The following ZNF721 variants were observed in gnomAD, a reference collection of about 807,000 sequenced individuals.
The protein encoded by ZNF721 is zinc finger protein 721.
In ZNF721, 2 loss-of-function variants were observed where a neutral mutation model predicts 2.4. The observed-to-expected ratio is 0.82, with a 90% confidence interval of 0.34 to 2.58. The LOEUF is 2.58. Among genes scored for constraint, ZNF721 ranks in the 30% most tolerant of loss-of-function variants. ZNF721 has a pLI of 0.11. For missense variants in ZNF721, 1,187 were observed against 1,085.5 expected (o/e 1.09, Z -1.31); for synonymous variants, 398 against 381.8 (o/e 1.04, Z -0.50).
chr4:450,980 T>A (rs1553864795), intron 2 of ZNF721, among the ~76,000 whole-genome samples: 18 of 115,932 alleles, frequency 1.6e-4, no homozygotes, highest in Admixed American at 8.9e-4. Flanking sequence ...TATATATATA[T>A]ATATATATAT....
chr4:464,468 C>CAAAA (rs57645783), intron 2 of ZNF721, among the ~76,000 whole-genome samples: 4 of 78,014 alleles, frequency 5.1e-5, no homozygotes, highest in Non-Finnish European at 5.2e-5. Flanking sequence ...GACTCCACCT[C>CAAAA]AAAAAAAAAA....
At chr4:474,606 G>A (rs1433295317) in intron 1 of ZNF721, among the ~76,000 whole-genome samples, 1 of 152,206 alleles carries the variant, frequency 6.6e-6, no homozygotes, top group East Asian at 1.9e-4. Flanking sequence ...GCTGAGCACG[G>A]TTGCTCACGC....
At chr4:477,959 G>A (rs1283829278) in intron 1 of ZNF721, among the ~76,000 whole-genome samples, 1 of 152,174 alleles carries the variant, frequency 6.6e-6, no homozygotes, top group Non-Finnish European at 1.5e-5. Flanking sequence ...CAGAAACTAA[G>A]TGGGGACAAA....
intron 2 of ZNF721, among the ~76,000 whole-genome samples, 156 bp from the exon 3 acceptor site, chr4:444,588 G>A (rs1443207502): frequency 1.3e-5 from 2 of 152,200 alleles, no homozygotes; most frequent in Non-Finnish European, 2.9e-5. Flanking sequence ...AACATATGGT[G>A]ATCAAAATGC....
chr4:489,254 C>G (rs1301714763), intron 1 of ZNF721, among the ~76,000 whole-genome samples: 20 of 152,252 alleles, frequency 1.3e-4, no homozygotes, highest in African/African-American at 4.6e-4. Context: ...GAAATTGACC[C>G]CTCCCATTTG....
chr4:480,308 T>G (rs782583331), intron 1 of ZNF721, among the ~76,000 whole-genome samples: 1 of 152,252 alleles, frequency 6.6e-6, no homozygotes, highest in African/African-American at 2.4e-5. Flanking sequence ...TTTGGATGAA[T>G]CTAAGTGATT....
chr4:453,749 T>G (rs922712174), intron 2 of ZNF721: 8 of 152,240 alleles, frequency 5.3e-5, no homozygotes, highest in Non-Finnish European at 1.0e-4. Flanking sequence ...ACAACATTTC[T>G]GAATGGCTAT....
At chr4:489,947 C>A (rs565740200) in intron 1 of ZNF721, among the ~76,000 whole-genome samples, 1 of 152,198 alleles carries the variant, frequency 6.6e-6, no homozygotes, top group South Asian at 2.1e-4. Flanking sequence ...GCAACCTCTG[C>A]CTCCAGGATT....
Position 496,146 on chromosome 4 carries a change from TTG to T in ZNF721, c.-94+2908_-94+2909del, listed in dbSNP as rs1179090806. On this transcript the variant is annotated intron_variant, in intron 1 of 2. Coordinates refer to ENST00000511833, the MANE Select transcript of ZNF721 (RefSeq NM_133474.4). ...TCCTCCCCCAACCATACCGCCTTTT[TTG>T]TGTGTGGGGGGTAGACGGTTGGGTA... Among the ~76,000 whole-genome samples the T allele has an allele frequency of 2.3e-5, 3 of 131,166 alleles. No individual in the cohort carries two copies. In the South Asian group the frequency reaches 7.2e-4, roughly 32 times the overall value. 86.0% of individuals were successfully genotyped at this position (131,166 alleles called of 152,430 possible).
chr4:441,770 G>T lies in ZNF721; in HGVS notation c.2697C>A (p.Gly899=). 6.2e-7 allele frequency: 1 copy of T among 1,613,522 alleles called. No individual in the cohort carries two copies. The highest frequency in any genetic ancestry group is 1.3e-5 in the African/African-American group (1 of 74,952). The change falls in exon 3 of 3, where the codon GGC becomes GGA. Residue 899 remains glycine, a synonymous_variant. Transcript: ENST00000511833. The part of the protein sequence containing the change: ...GEKPYTCGDC[G]KTFRQSANLY... Reference sequence around the variant, plus strand: ...GATTTGCAGACTGTCTAAAGGTTTTGCCACAGTCTCCACACGTGTAGGGTT... The same window carrying T: ...GATTTGCAGACTGTCTAAAGGTTTTTCCACAGTCTCCACACGTGTAGGGTT...
At chr4:493,383 C>T (rs1426127471) in intron 1 of ZNF721, among the ~76,000 whole-genome samples, 4 of 152,138 alleles carry the variant, frequency 2.6e-5, no homozygotes, top group African/African-American at 4.8e-5. Context: ...AGGATTAGAA[C>T]GTATGGTAAT....
chr4:492,613 T>G (rs1344161482), intron 1 of ZNF721, among the ~76,000 whole-genome samples: 7 of 143,528 alleles, frequency 4.9e-5, no homozygotes, highest in South Asian at 2.2e-4. Context: ...AAGTTTTGGG[T>G]TTTTTTTTTT....
chr4:445,012 T>TCTCA (rs1182693242), intron 2 of ZNF721, among the ~76,000 whole-genome samples: 1 of 130,118 alleles, frequency 7.7e-6, no homozygotes, highest in African/African-American at 2.9e-5. Context: ...TGAGATGGAG[T>TCTCA]CTCACTCTGT....
intron 1 of ZNF721, among the ~76,000 whole-genome samples, chr4:486,106 A>C (rs1553870276): frequency 6.6e-6 from 1 of 152,076 alleles, no homozygotes; most frequent in African/African-American, 2.4e-5. Context: ...AAGGGTAAGA[A>C]GCATTGATTC....
chr4:443,717 T>C lies in ZNF721; in HGVS notation c.750A>G (p.Lys250=). The change falls in exon 3 of 3, where the codon AAA becomes AAG. Residue 250 remains lysine (K), a synonymous_variant. Coordinates refer to ENST00000511833, the MANE Select transcript of ZNF721 (RefSeq NM_133474.4). ...AAATGACTTTGCCACATTCCTTACA[T>C]TTGTAGGGTTTCTCTCCAGTATGAA... is the stretch of plus-strand genomic sequence containing the variant. ...EKIHTGEKPY[K]CKECGKVISS... 6.2e-7 allele frequency: 1 copy of C among 1,614,140 alleles called. No homozygotes were observed. The highest frequency in any genetic ancestry group is 8.5e-7 in the Non-Finnish European group (1 of 1,179,996).
intron 1 of ZNF721, among the ~76,000 whole-genome samples, chr4:473,463 G>T (rs1351490547): frequency 6.6e-6 from 1 of 152,146 alleles, no homozygotes; most frequent in Admixed American, 6.5e-5. Context: ...AAGGGGACTG[G>T]TGGGAAAGTT....
intron 1 of ZNF721, among the ~76,000 whole-genome samples, chr4:476,079 A>G (rs1181025256): frequency 6.6e-6 from 1 of 152,174 alleles, no homozygotes; most frequent in Non-Finnish European, 1.5e-5. Context: ...TAACTCCTGG[A>G]CCATTCATCC....
At chr4:446,158 A>T (rs1288430952) in intron 2 of ZNF721, among the ~76,000 whole-genome samples, 1 of 152,192 alleles carries the variant, frequency 6.6e-6, no homozygotes, top group South Asian at 2.1e-4. Context: ...AAACATAATC[A>T]TACGAAAATA....
At chr4:469,593 T>C in intron 2 of ZNF721, among the ~76,000 whole-genome samples, 1 of 152,242 alleles carries the variant, frequency 6.6e-6, no homozygotes, top group African/African-American at 2.4e-5. Flanking sequence ...AATTTAAGTG[T>C]AACCTTAAAC....
Sources: allele counts gnomAD v4.1 joint callset (sites outside exome capture counted in the v4.1 genomes callset), GRCh38; gene constraint gnomAD v4.1.1; transcripts MANE v1.5; gene names NCBI Gene and HGNC (gene_info 2026-07-23, HGNC 2026-07-21).